Variants in CPED1 observed in about 807,000 individuals in gnomAD.
CPED1 encodes the protein cadherin-like and PC-esterase domain-containing protein 1.
CPED1 carries 114 observed loss-of-function variants against 128.2 expected under a neutral mutation model. That is an observed-to-expected ratio of 0.89 (90% CI 0.76 to 1.04). The LOEUF (loss-of-function observed/expected upper bound fraction) is 1.04. Among genes scored for constraint, CPED1 ranks in the 50% least tolerant of loss-of-function variants. CPED1 has a pLI of 0.00. For missense variants in CPED1, 1,211 were observed against 1,207.1 expected (o/e 1.00, Z -0.05); for synonymous variants, 462 against 426.7 (o/e 1.08, Z -1.02).
At chr7:121,120,978 A>C (rs962979422) in intron 7 of CPED1, among the ~76,000 whole-genome samples, 9 of 150,526 alleles carry the variant, frequency 6.0e-5, no homozygotes, top group South Asian at 2.1e-4. Context: ...AAAAAAAAAA[A>C]AAAAAAAAAC....
intron 16 of CPED1, among the ~76,000 whole-genome samples, chr7:121,180,605 G>A (rs1048991665): frequency 7.2e-5 from 11 of 151,922 alleles, no homozygotes; most frequent in African/African-American, 2.7e-4. Context: ...CACACTTTCT[G>A]TTCTTCTTTC....
In CPED1 at chr7:121,168,446, T is replaced by A. The variant is rs568111627; in HGVS notation, c.2055+26305T>A. On this transcript the variant is annotated intron_variant, in intron 16 of 22. Coordinates refer to ENST00000310396, the MANE Select transcript of CPED1 (RefSeq NM_024913.5). ...CATGGTTCTGCATAATTTTAATTTT[T>A]AAAAATTTTTAAATTGTTGTGGGTA... Among the ~76,000 whole-genome samples the A allele has an allele frequency of 8.5e-5, 13 of 152,348 alleles. 1 individual carries two copies. The highest frequency in any genetic ancestry group is 1.3e-4 in the Non-Finnish European group (9 of 68,016).
chr7:121,222,957 T>C (rs1479827860), intron 16 of CPED1, among the ~76,000 whole-genome samples: 1 of 152,162 alleles, frequency 6.6e-6, no homozygotes, highest in African/African-American at 2.4e-5. Context: ...TTCTTTCTCT[T>C]GCCTGATTGC....
chr7:121,172,439 T>C (rs1031466517), intron 16 of CPED1, among the ~76,000 whole-genome samples: 3 of 152,098 alleles, frequency 2.0e-5, no homozygotes, highest in Non-Finnish European at 4.4e-5. Context: ...TCCTTTAATA[T>C]AGTTAATAAA....
rs2116362540 is a variant in CPED1, at chr7:121,139,773, A to G, written c.1700-1054A>G. Among the ~76,000 whole-genome samples the G allele has an allele frequency of 2.0e-5, 3 of 152,186 alleles. No homozygotes were observed. In the Middle Eastern group the frequency reaches 0.01, roughly 518 times the overall value. ...CAGGGGAAAAAACAACAGTTACTAA[A>G]ATAATCTCCTTTCTCTAAGTTCAGT... is the stretch of plus-strand genomic sequence containing the variant. On this transcript the variant is annotated intron_variant, in intron 14 of 22. Coordinates refer to ENST00000310396, the MANE Select transcript of CPED1 (RefSeq NM_024913.5).
chr7:121,033,484 G>A (rs1362990289), intron 3 of CPED1, among the ~76,000 whole-genome samples: 1 of 152,128 alleles, frequency 6.6e-6, no homozygotes, highest in African/African-American at 2.4e-5. Context: ...ATCAAATACT[G>A]ACAGTGTCCT....
chr7:121,050,653 C>T (rs1049239747), intron 4 of CPED1: 14 of 342,794 alleles, frequency 4.1e-5, no homozygotes, highest in African/African-American at 8.7e-5. Context: ...TTAGTAGAGA[C>T]GGGGTTTCAC....
At chr7:121,156,428 A>G (rs1304542763) in intron 16 of CPED1, among the ~76,000 whole-genome samples, 1 of 152,218 alleles carries the variant, frequency 6.6e-6, no homozygotes, top group African/African-American at 2.4e-5. Context: ...CAAGATATGG[A>G]ATCAACCTAA....
chr7:121,266,576 G>A, intron 19 of CPED1, 129 bp downstream of exon 19: 2 of 1,175,944 alleles, frequency 1.7e-6, no homozygotes, highest in South Asian at 2.6e-5. Context: ...TAAGGCAGCA[G>A]AAAACAAGTT....
intron 4 of CPED1, among the ~76,000 whole-genome samples, chr7:121,061,706 T>C (rs1793677325): frequency 6.6e-6 from 1 of 152,208 alleles, no homozygotes; most frequent in Non-Finnish European, 1.5e-5. Flanking sequence ...AAATTAAAAC[T>C]CCTTTGATGA....
At position 121,190,378 on chromosome 7, in the gene CPED1, C is replaced by T. The variant is rs148926247; in HGVS notation, c.2056-46336C>T. 4.9e-3 allele frequency among the ~76,000 whole-genome samples: 547 copies of T among 112,306 alleles called. 3 individuals carry two copies. Among genetic ancestry groups the T allele is most frequent in the Non-Finnish European group, 7.2e-3 (434 of 60,008 alleles). The allele number at this position is 112,306 out of a possible 152,430, so 73.7% of individuals were successfully genotyped here. A position where few individuals can be genotyped will look rare whatever the true frequency, so the allele number is the denominator to read the frequency against. ...CTGTACTCCAGCCTAGGTGACAGAG[C>T]GAGACTCTGTATCAAAAAAAAAAAA... On this transcript the variant is annotated intron_variant, in intron 16 of 22. Transcript: ENST00000310396.
intron 16 of CPED1, among the ~76,000 whole-genome samples, chr7:121,216,488 G>A (rs566377597): frequency 5.9e-5 from 9 of 152,088 alleles, no homozygotes; most frequent in African/African-American, 1.9e-4. Context: ...AACCTCCTGG[G>A]TTAAAAGAAA....
intron 5 of CPED1, among the ~76,000 whole-genome samples, chr7:121,090,805 C>T (rs746040240): frequency 7.9e-5 from 12 of 152,016 alleles, no homozygotes; most frequent in East Asian, 1.9e-4. Flanking sequence ...AAAAATTAAC[C>T]GGGCATGGTG....
At chr7:121,261,598 G>A in intron 18 of CPED1, 1 of 1,599,768 alleles carries the variant, frequency 6.3e-7, no homozygotes, top group Non-Finnish European at 8.5e-7. Flanking sequence ...CTGGCCCATA[G>A]AAAACCTGAC....
intron 3 of CPED1, among the ~76,000 whole-genome samples, chr7:121,039,342 C>T (rs954928799): frequency 5.3e-5 from 8 of 151,912 alleles, no homozygotes; most frequent in Admixed American, 1.3e-4. Context: ...TTTTTGTTTG[C>T]TTGCTTGTTT....
At chr7:121,224,439 A>T (rs200951229) in intron 16 of CPED1, among the ~76,000 whole-genome samples, 1 of 152,112 alleles carries the variant, frequency 6.6e-6, no homozygotes, top group African/African-American at 2.4e-5. Flanking sequence ...TATTCTGTTG[A>T]TTTGGGGTGG....
intron 16 of CPED1, among the ~76,000 whole-genome samples, chr7:121,192,081 G>A (rs866686151): frequency 6.6e-6 from 1 of 152,074 alleles, no homozygotes; most frequent in East Asian, 1.9e-4. Flanking sequence ...GGGGAAATCT[G>A]TGAAGCTTTG....
chr7:121,044,873 T>A (rs1281080843), intron 3 of CPED1, among the ~76,000 whole-genome samples: 3 of 152,088 alleles, frequency 2.0e-5, no homozygotes, highest in African/African-American at 7.2e-5. Flanking sequence ...TAAAACTTAC[T>A]CTGAGACCAA....
intron 2 of CPED1, among the ~76,000 whole-genome samples, chr7:121,015,101 C>T (rs1199444941): frequency 6.6e-6 from 1 of 152,190 alleles, no homozygotes; most frequent in Non-Finnish European, 1.5e-5. Flanking sequence ...CTCCTCTCCT[C>T]ACATGTGAAG....
Sources: gnomAD v4.1 joint callset for allele counts (sites outside exome capture counted in the v4.1 genomes callset) on GRCh38, gnomAD v4.1.1 for gene constraint, MANE v1.5 for transcripts, NCBI Gene and HGNC (gene_info 2026-07-23, HGNC 2026-07-21) for gene names.